The following LATS1 variants were observed in gnomAD, a reference collection of about 807,000 sequenced individuals.
LATS1 encodes the protein large tumor suppressor kinase 1, also known as serine/threonine-protein kinase LATS1.
Under a neutral mutation model 106.6 loss-of-function variants are expected in LATS1, and 25 were observed. The ratio of observed to expected loss-of-function variants is 0.23; its 90% CI spans 0.17 to 0.33. The LOEUF (loss-of-function observed/expected upper bound fraction) is 0.33, where lower values mean the gene tolerates loss of function less well. LATS1 is among the 10% of genes least tolerant of loss of function. LATS1 has a pLI of 1.00. For synonymous variants in LATS1, 465 were observed against 455.6 expected (o/e 1.02, Z -0.26); for missense variants, 1,040 against 1,382.6 (o/e 0.75, Z 3.93).
chr6:149,714,156 G>A (rs1029406637), intron 1 of LATS1, among the ~76,000 whole-genome samples: 1 of 151,800 alleles, frequency 6.6e-6, no homozygotes, highest in Non-Finnish European at 1.5e-5. Flanking sequence ...ATTTTTAGTA[G>A]AGACAGGGGT....
intron 3 of LATS1, among the ~76,000 whole-genome samples, chr6:149,685,422 A>G (rs1782317606): frequency 6.6e-6 from 1 of 151,962 alleles, no homozygotes; most frequent in African/African-American, 2.4e-5. Context: ...ACAAAGTCTC[A>G]CTCTGTCACC....
chr6:149,679,559 A>AG (rs1781922552), intron 5 of LATS1, among the ~76,000 whole-genome samples: 2 of 152,082 alleles, frequency 1.3e-5, no homozygotes, highest in Admixed American at 6.6e-5. Context: ...CAAAAAAAAA[A>AG]AAAAAAAAAA....
At chr6:149,691,475 A>T (rs1258884742) in intron 3 of LATS1, among the ~76,000 whole-genome samples, 1 of 152,156 alleles carries the variant, frequency 6.6e-6, no homozygotes, top group Non-Finnish European at 1.5e-5. Flanking sequence ...AAAGTCAACA[A>T]GATTATTTTT....
At chr6:149,665,127 C>T (rs1476215349) in intron 7 of LATS1, among the ~76,000 whole-genome samples, 2 of 152,130 alleles carry the variant, frequency 1.3e-5, no homozygotes, top group East Asian at 1.9e-4. Flanking sequence ...TTTGGGAGGC[C>T]GAGGCGGGTG....
At chr6:149,680,975 T>C (rs73608604) in intron 4 of LATS1, among the ~76,000 whole-genome samples, 3,666 of 152,220 alleles carry the variant, frequency 0.024, 134 homozygotes, top group African/African-American at 0.083. Context: ...CCACCAATCC[T>C]TTCCCTATTC....
chr6:149,687,060 T>C (rs1782416177), intron 3 of LATS1, among the ~76,000 whole-genome samples: 1 of 152,000 alleles, frequency 6.6e-6, no homozygotes, highest in Admixed American at 6.6e-5. Context: ...TAAACTTTAT[T>C]AAGTAGCAAC....
At chr6:149,697,099 A>C in intron 2 of LATS1, 3 of 1,313,380 alleles carry the variant, frequency 2.3e-6, no homozygotes, top group Non-Finnish European at 3.0e-6. Flanking sequence ...TACTTGTCCT[A>C]GAGGATTCAG....
At chr6:149,710,273 T>C (rs1784015522) in intron 1 of LATS1, among the ~76,000 whole-genome samples, 1 of 152,200 alleles carries the variant, frequency 6.6e-6, no homozygotes, top group South Asian at 2.1e-4. Context: ...ATATTTGGCT[T>C]AGAATAGATC....
At chr6:149,678,162 TCCAAAAAAAAAA>T (rs1465300876) in intron 5 of LATS1, among the ~76,000 whole-genome samples, 346 of 28,628 alleles carry the variant, frequency 0.012, 6 homozygotes, top group Middle Eastern at 0.077. Flanking sequence ...CTACTAAAAA[TCCAAAAAAAAAA>T]AAAAAAAAAA....
rs748630512 is a variant in LATS1 at position 149,658,694 on chromosome 6, C to T, written c.*3035G>A. 9.9e-5 allele frequency: 15 copies of T among 152,106 alleles called. No homozygotes were observed. Among genetic ancestry groups the T allele is most frequent in the Admixed American group, 5.2e-4 (8 of 15,264 alleles). The allele number at this position is 152,106 out of a possible 1,614,324, so 9.4% of individuals were successfully genotyped here. A position where few individuals can be genotyped will look rare whatever the true frequency, so the allele number is the denominator to read the frequency against. ...ACTTTGCAACAGCAGAAGGTAATAA[C>T]TTTTTAAAAAAGTCAATCTCAAAGT... is the stretch of plus-strand genomic sequence containing the variant. On this transcript the variant is annotated 3_prime_UTR_variant, in exon 8 of 8. Transcript: ENST00000543571.
Position 149,717,897 on chromosome 6 carries a change from G to A in LATS1, c.-189C>T, listed in dbSNP as rs1396190941. On this transcript the variant is annotated 5_prime_UTR_variant, in exon 1 of 8. Coordinates refer to ENST00000543571, the MANE Select transcript of LATS1 (RefSeq NM_004690.4). ...GGACAGCGGCCACGGGCCTGAGGGC[G>A]GACGCTGAGGCGGCCAGAGTCCGTC... The A allele has an allele frequency of 2.4e-5, 9 of 370,840 alleles. No homozygotes were observed. Among genetic ancestry groups the A allele is most frequent in the Admixed American group, 2.3e-4 (6 of 26,204 alleles). The allele number at this position is 370,840 out of a possible 1,614,324, so 23.0% of individuals were successfully genotyped here.
chr6:149,672,206 C>T (rs1781478821), intron 7 of LATS1, among the ~76,000 whole-genome samples: 1 of 146,624 alleles, frequency 6.8e-6, no homozygotes, highest in South Asian at 2.2e-4. Flanking sequence ...TCTATGATTT[C>T]TTTTCTTTTC....
rs185973302 is a variant in LATS1 at position 149,689,358 on chromosome 6, C to A, written c.497-4766G>T. Reference sequence around the variant, plus strand: ...AGCCGATAAAGGTAGAGGAGGAGTACGCTCTGATTAAGGATTTAAATTATC... The same window carrying A: ...AGCCGATAAAGGTAGAGGAGGAGTAAGCTCTGATTAAGGATTTAAATTATC... On this transcript the variant is annotated intron_variant, in intron 3 of 7. Coordinates refer to ENST00000543571, the MANE Select transcript of LATS1 (RefSeq NM_004690.4). Among the ~76,000 whole-genome samples, 298 of 150,368 alleles carry A rather than the reference C, an allele frequency of 2.0e-3. 3 individuals carry two copies. The highest frequency in any genetic ancestry group is 7.1e-3 in the African/African-American group (288 of 40,840).
rs1780844621 is a variant in LATS1, at chr6:149,660,448, A to T, written c.*1281T>A. Reference sequence around the variant, plus strand: ...AAAATTATGCCTCCAATCTACAAATAGTAACTTTTGATAAAAACAATCCCT... The same window carrying T: ...AAAATTATGCCTCCAATCTACAAATTGTAACTTTTGATAAAAACAATCCCT... On this transcript the variant is annotated 3_prime_UTR_variant, in exon 8 of 8. Transcript: ENST00000543571. 4.3e-6 allele frequency: 1 copy of T among 233,028 alleles called. No homozygotes were observed. Among genetic ancestry groups the T allele is most frequent in the South Asian group, 1.8e-4 (1 of 5,538 alleles). 14.4% of individuals were successfully genotyped at this position (233,028 alleles called of 1,614,324 possible).
chr6:149,707,569 G>A (rs1281392485), intron 1 of LATS1, among the ~76,000 whole-genome samples: 1 of 152,092 alleles, frequency 6.6e-6, no homozygotes, highest in African/African-American at 2.4e-5. Context: ...TCATTCTCTA[G>A]TCCTATAGGC....
chr6:149,678,813 G>C (rs1173525138), intron 5 of LATS1, among the ~76,000 whole-genome samples: 1 of 152,130 alleles, frequency 6.6e-6, no homozygotes, highest in Non-Finnish European at 1.5e-5. Context: ...CCTTGGGCAA[G>C]TTACTTCATC....
chr6:149,675,956 C>G (rs996758778), intron 7 of LATS1: 5 of 280,838 alleles, frequency 1.8e-5, no homozygotes, highest in Admixed American at 4.9e-5. Flanking sequence ...GACTGGAGTT[C>G]ACGCATGCAA....
intron 7 of LATS1, among the ~76,000 whole-genome samples, chr6:149,662,688 G>A (rs1192969952): frequency 2.0e-5 from 3 of 152,068 alleles, no homozygotes; most frequent in African/African-American, 4.8e-5. Context: ...GGTGCCAAGC[G>A]TGGTGGCTTT....
chr6:149,668,232 T>C (rs1781262770), intron 7 of LATS1, among the ~76,000 whole-genome samples: 1 of 151,936 alleles, frequency 6.6e-6, no homozygotes, highest in Non-Finnish European at 1.5e-5. Flanking sequence ...AGTGATAATA[T>C]TCTAAGGAAG....
Sources: allele counts gnomAD v4.1 joint callset (sites outside exome capture counted in the v4.1 genomes callset), GRCh38; gene constraint gnomAD v4.1.1; transcripts MANE v1.5; gene names NCBI Gene and HGNC (gene_info 2026-07-23, HGNC 2026-07-21).